Variants in DHRSX observed in about 807,000 individuals in gnomAD.
DHRSX encodes the protein dehydrogenase/reductase X-linked, also known as polyprenol dehydrogenase.
A neutral mutation model predicts 34.0 loss-of-function variants in DHRSX; 31 were observed. The observed-to-expected ratio is 0.91, with a 90% CI of 0.69 to 1.23. The LOEUF (loss-of-function observed/expected upper bound fraction) is 1.23. DHRSX is among the 50% of genes most tolerant of loss of function. The probability of loss-of-function intolerance (pLI) is 0.00; values close to 1 mark genes in which losing one functional copy is unlikely to be tolerated. For synonymous variants in DHRSX, 201 were observed against 183.8 expected, an observed-to-expected ratio of 1.09 and a Z score of -0.76; for missense variants, 414 against 428.1, an observed-to-expected ratio of 0.97 and a Z score of 0.29.
intron 3 of DHRSX, chrX:2,337,803 T>A (rs1170071883): frequency 4.6e-5 from 7 of 152,050 alleles, no homozygotes; most frequent in Non-Finnish European, 8.8e-5. Context: ...ACGTCATGTT[T>A]AGCTGCTCAG....
intron 6 of DHRSX, among the ~76,000 whole-genome samples, chrX:2,224,093 C>G (rs1395274100): frequency 6.6e-6 from 1 of 152,248 alleles, no homozygotes; most frequent in Non-Finnish European, 1.5e-5. Flanking sequence ...TCTTTGCAAA[C>G]AAATCCTTAA....
At chrX:2,419,190 A>AG (rs1399930771) in intron 2 of DHRSX, among the ~76,000 whole-genome samples, 6 of 152,148 alleles carry the variant, frequency 3.9e-5, no homozygotes, top group African/African-American at 1.4e-4. Context: ...CGGGATGATT[A>AG]GGTCACGAGG....
intron 1 of DHRSX, among the ~76,000 whole-genome samples, chrX:2,477,921 G>A (rs370261500): frequency 7.9e-5 from 12 of 151,850 alleles, no homozygotes; most frequent in African/African-American, 2.4e-4. Context: ...CCCCGGGCCC[G>A]GGAAATGCAC....
intron 2 of DHRSX, among the ~76,000 whole-genome samples, chrX:2,415,173 CCAACTAGATCTCATCATAACCTAATA>C (rs2043678566): frequency 6.7e-6 from 1 of 149,564 alleles, no homozygotes; most frequent in Non-Finnish European, 1.5e-5. Context: ...ATGACCTAAT[CCAACTAGATCTCATCATAACCTAATA>C]CAACTAGATC....
chrX:2,313,337 G>A (rs1304854206), intron 3 of DHRSX, among the ~76,000 whole-genome samples: 6 of 150,986 alleles, frequency 4.0e-5, no homozygotes, highest in Non-Finnish European at 5.9e-5. Context: ...CCAAACCAAC[G>A]TATAGCTTCC....
intron 4 of DHRSX, among the ~76,000 whole-genome samples, chrX:2,284,999 G>C (rs2041787655): frequency 1.3e-5 from 2 of 152,154 alleles, no homozygotes; most frequent in Non-Finnish European, 2.9e-5. Flanking sequence ...TGAGACTTGA[G>C]GCACGTGGTT....
intron 1 of DHRSX, among the ~76,000 whole-genome samples, chrX:2,480,310 TGA>T (rs1185949332): frequency 6.7e-6 from 1 of 149,900 alleles, no homozygotes; most frequent in African/African-American, 2.4e-5. Context: ...CTAAAAAAGC[TGA>T]ACGCATAAAC....
chrX:2,442,090 C>T (rs928390912), intron 1 of DHRSX, among the ~76,000 whole-genome samples: 3 of 152,146 alleles, frequency 2.0e-5, no homozygotes, highest in African/African-American at 7.2e-5. Context: ...ATTCTCAACA[C>T]ATGTTTGTAT....
At chrX:2,471,197 T>G (rs2044587380) in intron 1 of DHRSX, among the ~76,000 whole-genome samples, 1 of 152,172 alleles carries the variant, frequency 6.6e-6, no homozygotes, top group Non-Finnish European at 1.5e-5. Flanking sequence ...TGTTTCCTCT[T>G]AATTCAACAC....
At chrX:2,436,754 C>A (rs2043996904) in intron 1 of DHRSX, among the ~76,000 whole-genome samples, 1 of 151,922 alleles carries the variant, frequency 6.6e-6, no homozygotes, top group Non-Finnish European at 1.5e-5. Context: ...GCCTCAGTCC[C>A]CCAAGTAGCT....
Position 2,431,150 on chromosome X carries a change from C to T in DHRSX, c.110-5846G>A, listed in dbSNP as rs928128357. Among the ~76,000 whole-genome samples, 5 of 152,084 alleles carry T rather than the reference C, an allele frequency of 3.3e-5. No individual in the cohort carries two copies. In the Middle Eastern group the frequency reaches 0.014, roughly 414 times the overall value. ...ACCATCCTGGCTAACACGGTGAAAC[C>T]CGGTCTCTACTAAAAATACAAAAAA... On this transcript the variant is annotated intron_variant, in intron 1 of 6. Coordinates refer to ENST00000334651, the MANE Select transcript of DHRSX (RefSeq NM_145177.3).
At chrX:2,298,317 G>GT (rs529844889) in intron 3 of DHRSX, among the ~76,000 whole-genome samples, 5,792 of 123,586 alleles carry the variant, frequency 0.047, 410 homozygotes, top group African/African-American at 0.15. Flanking sequence ...CAGTTTTGGT[G>GT]TTTTTTTTTT....
chrX:2,488,452 G>A (rs1603169161), intron 1 of DHRSX: 2 of 786,606 alleles, frequency 2.5e-6, no homozygotes, highest in Middle Eastern at 3.8e-4. Flanking sequence ...TGCGATTATA[G>A]ACAGGAGCCA....
rs751356698 is a variant in DHRSX, at chrX:2,364,135, G to A, written c.286+44610C>T. Reference sequence around the variant, plus strand: ...AGAGAGCATACTGGTCTTAGGTCCAGGTTACTGCCATTGAATGGTAGTAGG... The same window carrying A: ...AGAGAGCATACTGGTCTTAGGTCCAAGTTACTGCCATTGAATGGTAGTAGG... On this transcript the variant is annotated intron_variant, in intron 3 of 6. Coordinates refer to ENST00000334651, the MANE Select transcript of DHRSX (RefSeq NM_145177.3). 1.8e-4 allele frequency among the ~76,000 whole-genome samples: 27 copies of A among 152,302 alleles called. No individual in the cohort carries two copies. The South Asian group carries it at 5.6e-3, about 32-fold the overall frequency.
intron 2 of DHRSX, among the ~76,000 whole-genome samples, chrX:2,419,318 T>C (rs1268965364): frequency 6.6e-6 from 1 of 152,096 alleles, no homozygotes; most frequent in Non-Finnish European, 1.5e-5. Context: ...TACACCAGAA[T>C]CTGACCACAC....
intron 1 of DHRSX, among the ~76,000 whole-genome samples, chrX:2,432,852 A>C (rs1209726322): frequency 8.5e-5 from 13 of 152,314 alleles, no homozygotes; most frequent in African/African-American, 2.4e-5. Flanking sequence ...CAGGCCGGGC[A>C]GTGGCTCATG....
chrX:2,489,416 T>C (rs748700879), intron 1 of DHRSX: 7 of 1,613,884 alleles, frequency 4.3e-6, no homozygotes, highest in Non-Finnish European at 5.9e-6. Context: ...CTCCTTGATG[T>C]TGAGCGTGGT....
intron 1 of DHRSX, among the ~76,000 whole-genome samples, chrX:2,474,743 AAGAATGC>A (rs2044648839): frequency 1.3e-5 from 2 of 151,898 alleles, no homozygotes; most frequent in South Asian, 4.2e-4. Flanking sequence ...GACGTTCCCT[AAGAATGC>A]AGCTAAAAGA....
intron 3 of DHRSX, chrX:2,335,049 G>A (rs769204178): frequency 6.6e-6 from 1 of 152,042 alleles, no homozygotes; most frequent in East Asian, 1.9e-4. Context: ...GCTGGACATG[G>A]TGGCGGGCAC....
Sources: gnomAD v4.1 joint callset for allele counts (sites outside exome capture counted in the v4.1 genomes callset) on GRCh38, gnomAD v4.1.1 for gene constraint, MANE v1.5 for transcripts, NCBI Gene and HGNC (gene_info 2026-07-23, HGNC 2026-07-21) for gene names.